LRP1B: variants seen among roughly 807,000 people sequenced by gnomAD.
The protein encoded by LRP1B is low-density lipoprotein receptor-related protein 1B.
LRP1B carries 217 observed loss-of-function variants against 556.6 expected under a neutral mutation model. The observed-to-expected ratio is 0.39, with a 90% CI of 0.35 to 0.44. LRP1B has a LOEUF of 0.44. Among genes scored for constraint, LRP1B ranks in the 20% least tolerant of loss-of-function variants. The pLI, the probability that LRP1B is intolerant of heterozygous loss-of-function variation, is 1.00. For missense variants in LRP1B, 5,053 were observed against 5,620.8 expected, an observed-to-expected ratio of 0.90 and a Z score of 3.23; for synonymous variants, 2,047 against 1,865.8, an observed-to-expected ratio of 1.10 and a Z score of -2.50.
chr2:141,763,438 G>T (rs1343858933), intron 2 of LRP1B, among the ~76,000 whole-genome samples: 2 of 151,966 alleles, frequency 1.3e-5, no homozygotes, highest in African/African-American at 4.8e-5. Context: ...AAGCTCTCAG[G>T]CTGAATGCTC....
At chr2:141,041,610 C>T (rs888136538) in intron 11 of LRP1B, among the ~76,000 whole-genome samples, 3 of 152,036 alleles carry the variant, frequency 2.0e-5, no homozygotes, top group Middle Eastern at 3.2e-3. Flanking sequence ...TCTCAAGATC[C>T]TCAACACATG....
intron 3 of LRP1B, among the ~76,000 whole-genome samples, chr2:141,474,691 T>C (rs553087482): frequency 8.4e-4 from 128 of 152,278 alleles, no homozygotes; most frequent in Admixed American, 2.1e-3. Flanking sequence ...ATCTTTTTCT[T>C]TTTTAGTTTA....
chr2:140,548,739 A>G (rs1003853959), intron 43 of LRP1B, among the ~76,000 whole-genome samples: 3 of 152,068 alleles, frequency 2.0e-5, no homozygotes, highest in African/African-American at 7.2e-5. Flanking sequence ...CCTGGCCAAC[A>G]TGGTGAAATC....
At chr2:140,233,580 C>T (rs1213479594) in intron 90 of LRP1B, among the ~76,000 whole-genome samples, 1 of 151,022 alleles carries the variant, frequency 6.6e-6, no homozygotes, top group Non-Finnish European at 1.5e-5. Flanking sequence ...TTGCCATATA[C>T]AAAAAGCCAG....
chr2:141,488,532 C>A (rs1007442404), intron 2 of LRP1B, among the ~76,000 whole-genome samples: 2 of 152,100 alleles, frequency 1.3e-5, no homozygotes, highest in East Asian at 3.9e-4. Context: ...GAAAACAGAT[C>A]ACTGCAGCCT....
intron 1 of LRP1B, among the ~76,000 whole-genome samples, chr2:141,817,565 ACTAG>A (rs1164788966): frequency 6.6e-6 from 1 of 152,112 alleles, no homozygotes; most frequent in Non-Finnish European, 1.5e-5. Flanking sequence ...GCTGTCACAG[ACTAG>A]CTAATTTATA....
At chr2:141,768,518 T>G (rs999714877) in intron 2 of LRP1B, among the ~76,000 whole-genome samples, 2 of 152,100 alleles carry the variant, frequency 1.3e-5, no homozygotes, top group African/African-American at 4.8e-5. Context: ...TCCCAGTGGT[T>G]GGGAAATAAG....
chr2:141,020,464 T>C (rs1698032969), intron 11 of LRP1B, among the ~76,000 whole-genome samples: 1 of 152,050 alleles, frequency 6.6e-6, no homozygotes, highest in Admixed American at 6.6e-5. Flanking sequence ...AAGTGACAAA[T>C]TCAGCAATGT....
intron 1 of LRP1B, among the ~76,000 whole-genome samples, chr2:142,087,836 C>T (rs1473914749): frequency 6.6e-6 from 1 of 152,034 alleles, no homozygotes; most frequent in Non-Finnish European, 1.5e-5. Flanking sequence ...AGATAGCAAG[C>T]TGTACTTTAA....
intron 7 of LRP1B, among the ~76,000 whole-genome samples, chr2:141,111,130 C>T (rs1040721093): frequency 6.6e-6 from 1 of 151,962 alleles, no homozygotes; most frequent in Admixed American, 6.6e-5. Flanking sequence ...ATTTAAGAGA[C>T]TGTATTGTTT....
chr2:140,937,905 G>A, intron 20 of LRP1B, among the ~76,000 whole-genome samples: 1 of 149,878 alleles, frequency 6.7e-6, no homozygotes, highest in East Asian at 2.0e-4. Context: ...ACCTCCGTTG[G>A]TAGGACATTT....
At chr2:141,332,905 T>A (rs970628393) in intron 3 of LRP1B, among the ~76,000 whole-genome samples, 2 of 152,078 alleles carry the variant, frequency 1.3e-5, no homozygotes, top group Non-Finnish European at 2.9e-5. Context: ...TCCATTGCAT[T>A]CTTTTTGATT....
intron 2 of LRP1B, among the ~76,000 whole-genome samples, chr2:141,529,589 C>A (rs1684802594): frequency 6.6e-6 from 1 of 152,070 alleles, no homozygotes; most frequent in African/African-American, 2.4e-5. Flanking sequence ...ATCAAACTGA[C>A]TTGGATTCAA....
intron 32 of LRP1B, among the ~76,000 whole-genome samples, chr2:140,806,013 G>T (rs1327526341): frequency 2.0e-5 from 3 of 152,076 alleles, no homozygotes; most frequent in Non-Finnish European, 4.4e-5. Flanking sequence ...TGAGGGTAAA[G>T]ACCTCATGAA....
At chr2:141,659,348 T>C (rs1574206476) in intron 2 of LRP1B, among the ~76,000 whole-genome samples, 1 of 152,126 alleles carries the variant, frequency 6.6e-6, no homozygotes, top group East Asian at 1.9e-4. Flanking sequence ...CCACAGAAAA[T>C]ATGTAAATGA....
rs537539899 is a variant in LRP1B at position 141,397,824 on chromosome 2, TTTACA to T, written c.343+82567_343+82571del. On this transcript the variant is annotated intron_variant, in intron 3 of 90. Transcript: ENST00000389484. ...ATATACAATTATATATACATATATATTTACATTACATATGCCTATACATTTTATAT... is the reference window on the plus strand; with the variant it reads ...ATATACAATTATATATACATATATATTTACATATGCCTATACATTTTATAT... Among the ~76,000 whole-genome samples, 52 of 150,698 alleles carry T rather than the reference TTTACA, an allele frequency of 3.5e-4. 1 individual carries two copies. The South Asian group carries it at 7.1e-3, about 21-fold the overall frequency.
chr2:141,174,989 C>G (rs554222813), intron 7 of LRP1B, among the ~76,000 whole-genome samples: 2 of 152,228 alleles, frequency 1.3e-5, no homozygotes, highest in East Asian at 3.9e-4. Context: ...AGCAAAGAGA[C>G]TGGCAGCATT....
At chr2:140,805,347 T>G (rs189730692) in intron 32 of LRP1B, among the ~76,000 whole-genome samples, 1,916 of 152,312 alleles carry the variant, frequency 0.013, 19 homozygotes, top group Middle Eastern at 0.02. Flanking sequence ...GGTGGTTTTT[T>G]TGCCTTTACC....
At chr2:141,095,567 A>T (rs1001782771) in intron 7 of LRP1B, among the ~76,000 whole-genome samples, 5 of 151,278 alleles carry the variant, frequency 3.3e-5, no homozygotes, top group South Asian at 4.2e-4. Context: ...TTTCTATCTT[A>T]TCTTTACTCT....
Sources: gnomAD v4.1 joint callset for allele counts (sites outside exome capture counted in the v4.1 genomes callset) on GRCh38, gnomAD v4.1.1 for gene constraint, MANE v1.5 for transcripts, NCBI Gene and HGNC (gene_info 2026-07-23, HGNC 2026-07-21) for gene names.